Variants in IQCM observed in about 807,000 individuals in gnomAD.
IQCM encodes IQ motif containing M, also known as IQ domain-containing protein M.
IQCM carries 45 observed loss-of-function variants against 57.6 expected under a neutral mutation model. The observed-to-expected ratio is 0.78, with a 90% CI of 0.62 to 1.00. The LOEUF is 1.00. IQCM is among the 50% of genes least tolerant of loss of function. IQCM has a pLI of 0.00. For missense variants in IQCM, 468 were observed against 511.6 expected, an observed-to-expected ratio of 0.91 and a Z score of 0.82; for synonymous variants, 148 against 158.9, an observed-to-expected ratio of 0.93 and a Z score of 0.51.
At chr4:149,740,075 C>T (rs996258804) in intron 3 of IQCM, among the ~76,000 whole-genome samples, 1 of 152,136 alleles carries the variant, frequency 6.6e-6, no homozygotes. Flanking sequence ...AAAACATTTG[C>T]TTTTCATAAC....
At chr4:149,443,764 GC>G (rs1384968877) in intron 12 of IQCM, among the ~76,000 whole-genome samples, 1 of 150,392 alleles carries the variant, frequency 6.6e-6, no homozygotes, top group Non-Finnish European at 1.5e-5. Flanking sequence ...AAACTGGCAA[GC>G]CTTCAACCCA....
intron 7 of IQCM, among the ~76,000 whole-genome samples, chr4:149,640,159 G>A (rs1003079736): frequency 2.0e-5 from 3 of 152,156 alleles, no homozygotes; most frequent in East Asian, 1.9e-4. Context: ...TTTAAAAAAT[G>A]TGTGGGTACA....
At chr4:149,732,983 T>G (rs1766600680) in intron 5 of IQCM, among the ~76,000 whole-genome samples, 1 of 152,186 alleles carries the variant, frequency 6.6e-6, no homozygotes, top group African/African-American at 2.4e-5. Flanking sequence ...GGATTTTCAC[T>G]AGGAAGAAGA....
chr4:149,620,619 G>A (rs1333145373), intron 8 of IQCM, among the ~76,000 whole-genome samples: 1 of 152,174 alleles, frequency 6.6e-6, no homozygotes, highest in Non-Finnish European at 1.5e-5. Flanking sequence ...GACTTGCTTT[G>A]AGAAATAAAT....
intron 12 of IQCM, among the ~76,000 whole-genome samples, chr4:149,482,964 A>C (rs1741076988): frequency 6.6e-6 from 1 of 151,914 alleles, no homozygotes; most frequent in African/African-American, 2.4e-5. Flanking sequence ...TGGTCTGTTC[A>C]GGTATTGAAT....
At chr4:149,661,212 TATC>T (rs1037988392) in intron 7 of IQCM, among the ~76,000 whole-genome samples, 6 of 152,108 alleles carry the variant, frequency 3.9e-5, no homozygotes, top group African/African-American at 1.2e-4. Context: ...ATTTTGAAAT[TATC>T]ATACAGTTTT....
intron 8 of IQCM, among the ~76,000 whole-genome samples, chr4:149,618,905 T>C (rs933881875): frequency 6.6e-6 from 1 of 152,058 alleles, no homozygotes; most frequent in African/African-American, 2.4e-5. Context: ...ACACCCTCTA[T>C]GGGAAACAGT....
At chr4:149,668,995 T>G (rs1315127479) in intron 7 of IQCM, among the ~76,000 whole-genome samples, 1 of 152,224 alleles carries the variant, frequency 6.6e-6, no homozygotes, top group Admixed American at 6.5e-5. Flanking sequence ...AACAACTTTA[T>G]AGCAATACTT....
chr4:149,780,431 A>T (rs1217935999), intron 2 of IQCM: 1 of 152,126 alleles, frequency 6.6e-6, no homozygotes, highest in Non-Finnish European at 1.5e-5. Flanking sequence ...GTGACTACCA[A>T]CCAAGACAGA....
chr4:149,648,024 G>A (rs1428790241), intron 7 of IQCM, among the ~76,000 whole-genome samples: 2 of 152,006 alleles, frequency 1.3e-5, no homozygotes, highest in Non-Finnish European at 2.9e-5. Context: ...TAACAAATAT[G>A]TTCATTGACA....
At chr4:149,559,341 T>G (rs530185138) in intron 10 of IQCM, among the ~76,000 whole-genome samples, 1 of 152,284 alleles carries the variant, frequency 6.6e-6, no homozygotes, top group African/African-American at 2.4e-5. Flanking sequence ...TCTAAGAACG[T>G]TATTAATCTG....
At chr4:149,700,477 C>A (rs1275936687) in intron 5 of IQCM, among the ~76,000 whole-genome samples, 2 of 152,094 alleles carry the variant, frequency 1.3e-5, no homozygotes, top group South Asian at 2.1e-4. Context: ...GGTACCTTTA[C>A]GGCTTCAGCA....
chr4:149,684,256 T>C (rs531618579), intron 6 of IQCM, among the ~76,000 whole-genome samples: 22 of 151,450 alleles, frequency 1.5e-4, no homozygotes, highest in African/African-American at 4.6e-4. Context: ...CAGTATTCAA[T>C]TGTGTTTTCC....
intron 12 of IQCM, among the ~76,000 whole-genome samples, chr4:149,471,659 A>C (rs1053284861): frequency 2.6e-5 from 4 of 152,128 alleles, no homozygotes; most frequent in Non-Finnish European, 5.9e-5. Flanking sequence ...CCTGGCAGAG[A>C]CACAACAAAA....
At chr4:149,594,436 C>T (rs6837443) in intron 8 of IQCM, among the ~76,000 whole-genome samples, 82,638 of 151,758 alleles carry the variant, frequency 0.54, 22,738 homozygotes, top group African/African-American at 0.58. Flanking sequence ...TTTTGAAGGG[C>T]TTTTGTGTCT....
At chr4:149,374,969 G>A (rs1479569733) in intron 13 of IQCM, among the ~76,000 whole-genome samples, 1 of 112,614 alleles carries the variant, frequency 8.9e-6, no homozygotes. Context: ...CACTTTCTTT[G>A]TGTGTGTGTG....
intron 2 of IQCM, among the ~76,000 whole-genome samples, chr4:149,794,438 G>A (rs1580317906): frequency 6.6e-6 from 1 of 152,290 alleles, no homozygotes; most frequent in Non-Finnish European, 1.5e-5. Context: ...CAGTGAATGT[G>A]TTCACCCAAG....
intron 13 of IQCM, among the ~76,000 whole-genome samples, chr4:149,421,612 G>A (rs993058323): frequency 1.1e-4 from 16 of 151,734 alleles, no homozygotes; most frequent in African/African-American, 3.9e-4. Context: ...ATGAAACCTG[G>A]GAGCCTCTAC....
chr4:149,489,266 G>A (rs902183997), intron 12 of IQCM, among the ~76,000 whole-genome samples: 2 of 152,078 alleles, frequency 1.3e-5, no homozygotes, highest in African/African-American at 2.4e-5. Flanking sequence ...AACACAAAAT[G>A]TCCAGCATAG....
Sources: gnomAD v4.1 joint callset for allele counts (sites outside exome capture counted in the v4.1 genomes callset) on GRCh38, gnomAD v4.1.1 for gene constraint, MANE v1.5 for transcripts, NCBI Gene and HGNC (gene_info 2026-07-23, HGNC 2026-07-21) for gene names.